The following KLK14 variants were observed in gnomAD, a reference collection of about 807,000 sequenced individuals.
KLK14 encodes the protein kallikrein-14.
KLK14 carries 21 observed loss-of-function variants against 24.6 expected under a neutral mutation model. The ratio of observed to expected loss-of-function variants is 0.85; its 90% CI spans 0.61 to 1.23. The LOEUF is 1.23. Ranked by LOEUF, KLK14 falls within the 50% of genes most tolerant of loss-of-function variation. KLK14 has a pLI of 0.00. For synonymous variants in KLK14, 133 were observed against 139.7 expected (o/e 0.95, Z 0.34); for missense variants, 320 against 338.9 (o/e 0.94, Z 0.44).
At position 51,078,569 on chromosome 19, in the gene KLK14, A is replaced by T. The variant is rs1397841595; in HGVS notation, c.603+246T>A. Among the ~76,000 whole-genome samples the T allele has an allele frequency of 6.6e-6, 1 of 152,044 alleles. No homozygotes were observed. The highest frequency in any genetic ancestry group is 2.4e-5 in the African/African-American group (1 of 41,376). On this transcript the variant is annotated intron_variant, in intron 5 of 5. Transcript: ENST00000650543. The surrounding 1 kb of genome is among the most constrained non-coding windows in gnomAD (Gnocchi z 5.0). ...ATCTTTCCCCAACCTGCCTCATCCCATTCCACCAACTACCCTAAGAGGGTT... is the reference window on the plus strand; with the variant it reads ...ATCTTTCCCCAACCTGCCTCATCCCTTTCCACCAACTACCCTAAGAGGGTT...
Position 51,082,773 on chromosome 19 carries a change from C to G in KLK14, c.-74G>C, listed in dbSNP as rs1380105343. On this transcript the variant is annotated 5_prime_UTR_variant, in exon 1 of 6. Coordinates refer to ENST00000650543, the MANE Select transcript of KLK14 (RefSeq NM_001369775.2). Reference sequence around the variant, plus strand: ...GAAGACACAGCAGAGAGGTAGGGACCAGAGACGAGGGGGGCGGGGCCTGCA... The same window carrying G: ...GAAGACACAGCAGAGAGGTAGGGACGAGAGACGAGGGGGGCGGGGCCTGCA... 14 of 1,611,508 alleles carry G rather than the reference C, an allele frequency of 8.7e-6. No individual in the cohort carries two copies. The Admixed American group carries it at 2.3e-4, about 27-fold the overall frequency.
upstream of KLK14, among the ~76,000 whole-genome samples, chr19:51,083,305 G>C (rs995577148): frequency 1.3e-5 from 2 of 150,272 alleles, no homozygotes; most frequent in East Asian, 2.0e-4. Context: ...GAGAGAGAGA[G>C]AGAGAGACAG....
chr19:51,078,678 G>T lies in KLK14; in HGVS notation c.603+137C>A. On this transcript the variant is annotated intron_variant, in intron 5 of 5. Coordinates refer to ENST00000650543, the MANE Select transcript of KLK14 (RefSeq NM_001369775.2). The surrounding 1 kb of genome is among the most constrained non-coding windows in gnomAD (Gnocchi z 5.0). Reference sequence around the variant, plus strand: ...GGGCACAGGGCTAGGAAGCAGGGTGGCCTGGCTATCGGAATCTCTCTGTGC... The same window carrying T: ...GGGCACAGGGCTAGGAAGCAGGGTGTCCTGGCTATCGGAATCTCTCTGTGC... 2.6e-6 allele frequency: 3 copies of T among 1,145,532 alleles called. No homozygotes were observed. Among genetic ancestry groups the T allele is most frequent in the Non-Finnish European group, 3.7e-6 (3 of 807,788 alleles). The allele number at this position is 1,145,532 out of a possible 1,614,324, so 71.0% of individuals were successfully genotyped here.
Position 51,079,463 on chromosome 19 carries a change from A to G in KLK14, c.452T>C (p.Ile151Thr), listed in dbSNP as rs1260107599. The change falls in exon 4 of 6, where the codon ATA becomes ACA. Residue 151 changes from isoleucine (I) to threonine (T), a missense_variant. Physicochemically the swap from Ile to Thr is moderately conservative, Grantham distance 89. Transcript: ENST00000650543. ...GGAGTCCTCACCGATGGGGCTGGAT[A>G]TAGTTCCCCAGCCTGACACTCGGCA... Reference protein sequence around the residue: ...TSCRVSGWGTISSPIARYPAS... With the variant: ...TSCRVSGWGTTSSPIARYPAS... The G allele has an allele frequency of 6.2e-7, 1 of 1,612,660 alleles. No homozygotes were observed. Among genetic ancestry groups the G allele is most frequent in the Non-Finnish European group, 8.5e-7 (1 of 1,179,522 alleles).
intron 4 of KLK14, 111 bp from the exon 5 acceptor site, chr19:51,079,062 C>A: frequency 7.6e-7 from 1 of 1,318,278 alleles, no homozygotes; most frequent in African/African-American, 1.5e-5. Flanking sequence ...AGCACCTCCT[C>A]CCTCAGACCC....
intron 3 of KLK14, 83 bp from the exon 4 acceptor site, chr19:51,079,785 G>T: frequency 6.8e-7 from 1 of 1,480,014 alleles, no homozygotes; most frequent in Non-Finnish European, 9.0e-7. Flanking sequence ...TCCCTGGCCG[G>T]GTGACGAGTC....
upstream of KLK14, among the ~76,000 whole-genome samples, chr19:51,083,279 G>GA (rs2091851643): frequency 8.1e-6 from 1 of 123,232 alleles, no homozygotes. Flanking sequence ...CGGGAGGAGG[G>GA]AGAGAGGGAG....
At chr19:51,082,551 T>G (rs779926354) in intron 2 of KLK14, 24 bp downstream of exon 2, 1 of 1,612,202 alleles carries the variant, frequency 6.2e-7, no homozygotes, top group Non-Finnish European at 8.5e-7. Context: ...GACCCCCTTG[T>G]GTCATACCCA....
chr19:51,083,389 AGAGAGAGAGAGATG>A, upstream of KLK14, among the ~76,000 whole-genome samples: 1 of 147,648 alleles, frequency 6.8e-6, no homozygotes. Context: ...CGGGGGGGAG[AGAGAGAGAGAGATG>A]GAGAGAGAGA....
chr19:51,079,644 C>A lies in KLK14; in HGVS notation c.271G>T (p.Val91Leu), dbSNP rs1471183423. ...GTCACCTGACGAACCACGCGCAGCA[C>A]CTGCTGGGTGGCCTCCCACCTCCTC... ...NLRRWEATQQ[V>L]LRVVRQVTHP... is the part of the protein sequence containing the mutation. Residue 91 changes from valine to leucine, a missense_variant, in exon 4 of 6, where the codon GTG becomes TTG. Transcript: ENST00000650543. 1 of 1,602,348 alleles carries A rather than the reference C, an allele frequency of 6.2e-7. No homozygotes were observed. The highest frequency in any genetic ancestry group is 1.1e-5 in the South Asian group (1 of 89,516).
chr19:51,082,172 G>A (rs934596474), intron 2 of KLK14, among the ~76,000 whole-genome samples: 5 of 149,858 alleles, frequency 3.3e-5, no homozygotes, highest in Admixed American at 2.0e-4. Flanking sequence ...CCCATGCCAC[G>A]ATCCCGCCAC....
chr19:51,081,531 C>A lies in KLK14; in HGVS notation c.212+1G>T, dbSNP rs755240763. 1.3e-6 allele frequency: 2 copies of A among 1,507,872 alleles called. No homozygotes were observed. The allele number at this position is 1,507,872 out of a possible 1,614,324, so 93.4% of individuals were successfully genotyped here. A position where few individuals can be genotyped will look rare whatever the true frequency, so the allele number is the denominator to read the frequency against. ...CAGGGACAGGGGAGGGGGTCACTTA[C>A]GGGCGGCCGCAGTGAGCAGCAGTGA... On this transcript the variant is annotated splice_donor_variant, in intron 3 of 5. Coordinates refer to ENST00000650543, the MANE Select transcript of KLK14 (RefSeq NM_001369775.2). LOFTEE classifies it high-confidence loss of function.
chr19:51,080,587 G>T (rs2091833785), intron 3 of KLK14, among the ~76,000 whole-genome samples: 1 of 152,194 alleles, frequency 6.6e-6, no homozygotes, highest in Admixed American at 6.5e-5. Flanking sequence ...CCTCTTGGCT[G>T]GGGTCTGGGT....
At chr19:51,083,024 CT>C (rs2091850379), upstream of KLK14, among the ~76,000 whole-genome samples, 1 of 151,916 alleles carries the variant, frequency 6.6e-6, no homozygotes, top group South Asian at 2.1e-4. Flanking sequence ...ATCCCATCCC[CT>C]CCCTCCCCTG....
intron 3 of KLK14, among the ~76,000 whole-genome samples, chr19:51,080,656 G>A (rs538547038): frequency 6.6e-6 from 1 of 152,284 alleles, no homozygotes; most frequent in East Asian, 1.9e-4. Context: ...CTTCTGATTA[G>A]GATCTGCATT....
Position 51,082,741 on chromosome 19 carries a change from G to A in KLK14, c.-42C>T. On this transcript the variant is annotated 5_prime_UTR_variant, in exon 1 of 6. Coordinates refer to ENST00000650543, the MANE Select transcript of KLK14 (RefSeq NM_001369775.2). The stretch of plus-strand genomic sequence containing the variant: ...ACTTACCCAGAGCCCAAGACCCTCA[G>A]GGACATGAAGACACAGCAGAGAGGT... 7 of 1,613,908 alleles carry A rather than the reference G, an allele frequency of 4.3e-6. No individual in the cohort carries two copies. The highest frequency in any genetic ancestry group is 5.9e-6 in the Non-Finnish European group (7 of 1,179,946).
intron 4 of KLK14, 67 bp from the exon 5 acceptor site, chr19:51,079,018 GC>G: frequency 6.4e-7 from 1 of 1,574,536 alleles, no homozygotes; most frequent in Admixed American, 1.7e-5. Flanking sequence ...CAGGCCCCCA[GC>G]CCCTCCTCCT....
chr19:51,083,130 G>A (rs73596515), upstream of KLK14, among the ~76,000 whole-genome samples: 982 of 152,102 alleles, frequency 6.5e-3, 11 homozygotes, highest in African/African-American at 0.023. Flanking sequence ...CCCAGGGCAG[G>A]GTGGGCAGGG....
Position 51,078,246 on chromosome 19 carries a change from G to C in KLK14, c.604-87C>G. The stretch of plus-strand genomic sequence containing the variant: ...AGAGAACCCGAGAAGCAGACACAGG[G>C]AGACAGGCAGAGACACTGGTGGACA... On this transcript the variant is annotated intron_variant, in intron 5 of 5. Coordinates refer to ENST00000650543, the MANE Select transcript of KLK14 (RefSeq NM_001369775.2). This position sits in a 1 kb window ranked among gnomAD's most constrained non-coding sequence, Gnocchi z 5.0. 5.3e-6 allele frequency: 7 copies of C among 1,330,062 alleles called. No individual in the cohort carries two copies. Among genetic ancestry groups the C allele is most frequent in the Non-Finnish European group, 7.3e-6 (7 of 963,852 alleles). The allele number at this position is 1,330,062 out of a possible 1,614,324, so 82.4% of individuals were successfully genotyped here.
Sources: allele counts gnomAD v4.1 joint callset (sites outside exome capture counted in the v4.1 genomes callset), GRCh38; gene constraint gnomAD v4.1.1; non-coding constraint Gnocchi (gnomAD v3.1); transcripts MANE v1.5; gene names NCBI Gene and HGNC (gene_info 2026-07-23, HGNC 2026-07-21).